MACROD2: variants seen among roughly 807,000 people sequenced by gnomAD.
MACROD2 encodes mono-ADP ribosylhydrolase 2.
A neutral mutation model predicts 70.4 loss-of-function variants in MACROD2; 36 were observed. That is an observed-to-expected ratio of 0.51 (90% CI 0.39 to 0.68). The LOEUF (loss-of-function observed/expected upper bound fraction) is 0.68. MACROD2 is among the 30% of genes least tolerant of loss of function. The pLI, the probability that MACROD2 is intolerant of heterozygous loss-of-function variation, is 0.00. For synonymous variants in MACROD2, 172 were observed against 178.8 expected (o/e 0.96, Z 0.30); for missense variants, 496 against 538.4 (o/e 0.92, Z 0.78).
intron 6 of MACROD2, among the ~76,000 whole-genome samples, chr20:15,376,744 C>G (rs988955515): frequency 6.6e-6 from 1 of 152,130 alleles, no homozygotes; most frequent in Non-Finnish European, 1.5e-5. Flanking sequence ...AGAAACTAAA[C>G]TAGAGAAATG....
chr20:15,636,089 A>AAAAAAAAAAAAAAGAAAG (rs1459679844), intron 8 of MACROD2, among the ~76,000 whole-genome samples: 1 of 134,982 alleles, frequency 7.4e-6, no homozygotes, highest in Non-Finnish European at 1.6e-5. Flanking sequence ...AAAAAAAAAA[A>AAAAAAAAAAAAAAGAAAG]AAAGAAAGAA....
At chr20:15,554,418 A>G (rs1195496325) in intron 8 of MACROD2, among the ~76,000 whole-genome samples, 3 of 152,164 alleles carry the variant, frequency 2.0e-5, no homozygotes, top group African/African-American at 7.2e-5. Context: ...ATATAGCTAG[A>G]TAATTTATAG....
chr20:14,359,745 T>C (rs889285580), intron 3 of MACROD2, among the ~76,000 whole-genome samples: 3 of 152,086 alleles, frequency 2.0e-5, no homozygotes, highest in African/African-American at 7.2e-5. Context: ...ACCTATAGTC[T>C]CAGCTATTCA....
intron 3 of MACROD2, among the ~76,000 whole-genome samples, chr20:14,397,794 A>G (rs2083596170): frequency 6.6e-6 from 1 of 152,140 alleles, no homozygotes; most frequent in Admixed American, 6.5e-5. Context: ...GTTATTGTCA[A>G]CTATTTTTCT....
At chr20:14,964,368 C>T (rs1289596952) in intron 5 of MACROD2, among the ~76,000 whole-genome samples, 6 of 151,948 alleles carry the variant, frequency 3.9e-5, no homozygotes, top group African/African-American at 1.2e-4. Context: ...GTCAGGAGAT[C>T]GAGACCATCC....
chr20:15,018,690 G>A (rs940431149), intron 5 of MACROD2, among the ~76,000 whole-genome samples: 7 of 152,038 alleles, frequency 4.6e-5, no homozygotes, highest in Non-Finnish European at 7.4e-5. Context: ...TCCTTTTCAC[G>A]TTTTTCTGCC....
chr20:15,151,489 G>T lies in MACROD2; in HGVS notation c.419-78451G>T, dbSNP rs184601077. Among the ~76,000 whole-genome samples, 313 of 152,194 alleles carry T rather than the reference G, an allele frequency of 2.1e-3. 6 individuals carry two copies. Among genetic ancestry groups the T allele is most frequent in the African/African-American group, 6.9e-3 (287 of 41,468 alleles). ...CTTGAAGGTGAGGTTAATTAAGTCTGGTTGTGGGGTTTGAGGGCCGGAATT... is the reference window on the plus strand; with the variant it reads ...CTTGAAGGTGAGGTTAATTAAGTCTTGTTGTGGGGTTTGAGGGCCGGAATT... On this transcript the variant is annotated intron_variant, in intron 5 of 17. Transcript: ENST00000684519.
intron 4 of MACROD2, among the ~76,000 whole-genome samples, chr20:14,592,640 G>C (rs1261057555): frequency 3.3e-5 from 5 of 152,082 alleles, no homozygotes; most frequent in African/African-American, 1.2e-4. Flanking sequence ...TGTTTCCCAG[G>C]CTAGTCTGGG....
chr20:15,543,293 G>A (rs950135544), intron 8 of MACROD2, among the ~76,000 whole-genome samples: 1 of 152,118 alleles, frequency 6.6e-6, no homozygotes, highest in Non-Finnish European at 1.5e-5. Context: ...TGTTCAAGAG[G>A]AATGGATAAT....
chr20:15,715,439 A>C (rs4452223), intron 8 of MACROD2, among the ~76,000 whole-genome samples: 18,613 of 152,172 alleles, frequency 0.12, 1,537 homozygotes, highest in African/African-American at 0.23. Context: ...AATCAACAAA[A>C]ACTTATAGTA....
intron 5 of MACROD2, among the ~76,000 whole-genome samples, chr20:15,040,433 C>T (rs574137397): frequency 2.6e-5 from 4 of 152,214 alleles, no homozygotes; most frequent in Middle Eastern, 3.4e-3. Context: ...GGTTTACTCT[C>T]TCTCCATTCC....
intron 10 of MACROD2, chr20:15,893,512 TCC>T (rs1189686635): frequency 2.8e-6 from 1 of 358,030 alleles, no homozygotes; most frequent in East Asian, 7.3e-5. Flanking sequence ...AATGGGCAGG[TCC>T]CACTGGACTC....
At chr20:15,588,506 C>T (rs1023807417) in intron 8 of MACROD2, among the ~76,000 whole-genome samples, 1 of 152,160 alleles carries the variant, frequency 6.6e-6, no homozygotes, top group African/African-American at 2.4e-5. Context: ...TCTACCATAT[C>T]ATCAGGCTGC....
At chr20:14,529,445 C>T (rs1162570234) in intron 4 of MACROD2, among the ~76,000 whole-genome samples, 5 of 152,198 alleles carry the variant, frequency 3.3e-5, no homozygotes, top group Non-Finnish European at 7.3e-5. Context: ...CCTCATTACA[C>T]AGCATTTACA....
At chr20:15,489,853 G>T (rs1292537390) in intron 7 of MACROD2, among the ~76,000 whole-genome samples, 1 of 152,064 alleles carries the variant, frequency 6.6e-6, no homozygotes, top group Non-Finnish European at 1.5e-5. Context: ...TACTGGTCCT[G>T]TCCCTTGCTT....
chr20:15,975,324 T>C (rs1307348859), intron 13 of MACROD2, among the ~76,000 whole-genome samples: 1 of 152,114 alleles, frequency 6.6e-6, no homozygotes, highest in African/African-American at 2.4e-5. Context: ...ATCAGCAATT[T>C]TGGGAAAACC....
At chr20:15,297,867 A>G (rs887750907) in intron 6 of MACROD2, among the ~76,000 whole-genome samples, 10 of 152,216 alleles carry the variant, frequency 6.6e-5, no homozygotes, top group Admixed American at 5.9e-4. Flanking sequence ...CACAGTGTGA[A>G]ATGTTTTTCA....
intron 4 of MACROD2, among the ~76,000 whole-genome samples, chr20:14,674,768 G>A (rs890998993): frequency 1.3e-5 from 2 of 152,128 alleles, no homozygotes; most frequent in African/African-American, 2.4e-5. Flanking sequence ...TTTGTGCAAG[G>A]TAGTTGTTTA....
At chr20:15,137,951 C>T (rs190804096) in intron 5 of MACROD2, among the ~76,000 whole-genome samples, 8 of 152,174 alleles carry the variant, frequency 5.3e-5, no homozygotes, top group Admixed American at 2.6e-4. Flanking sequence ...CTAATCCTTC[C>T]ACATATCAGC....
Sources: gnomAD v4.1 joint callset for allele counts (sites outside exome capture counted in the v4.1 genomes callset) on GRCh38, gnomAD v4.1.1 for gene constraint, MANE v1.5 for transcripts, NCBI Gene and HGNC (gene_info 2026-07-23, HGNC 2026-07-21) for gene names.